Variants in AGAP1 observed in about 807,000 individuals in gnomAD.
The protein encoded by AGAP1 is ArfGAP with GTPase domain, ankyrin repeat and PH domain 1, also known as arf-GAP with GTPase, ANK repeat and PH domain-containing protein 1.
Under a neutral mutation model 105.3 loss-of-function variants are expected in AGAP1, and 29 were observed. That is an observed-to-expected ratio of 0.28 (90% CI 0.21 to 0.38). The LOEUF (loss-of-function observed/expected upper bound fraction) is 0.38, where lower values mean the gene tolerates loss of function less well. AGAP1 is among the 10% of genes least tolerant of loss of function. The pLI is 1.00. For synonymous variants in AGAP1, 509 were observed against 485.9 expected (o/e 1.05, Z -0.63); for missense variants, 998 against 1,165.1 (o/e 0.86, Z 2.09).
At chr2:236,039,005 ATTAT>A (rs2057466922) in intron 14 of AGAP1, among the ~76,000 whole-genome samples, 1 of 152,216 alleles carries the variant, frequency 6.6e-6, no homozygotes, top group South Asian at 2.1e-4. Flanking sequence ...CAAGTAATAT[ATTAT>A]TTCACATCAA....
chr2:235,969,760 C>T (rs574137725), intron 13 of AGAP1, among the ~76,000 whole-genome samples: 1 of 152,246 alleles, frequency 6.6e-6, no homozygotes, highest in South Asian at 2.1e-4. Context: ...AGGCAGGGAG[C>T]ATCATTTCTT....
intron 12 of AGAP1, among the ~76,000 whole-genome samples, chr2:235,938,395 C>T (rs1189045435): frequency 3.9e-5 from 6 of 152,226 alleles, no homozygotes; most frequent in Non-Finnish European, 8.8e-5. Flanking sequence ...GCTGGGTGCG[C>T]AGCGTGTCCC....
chr2:235,991,655 G>T (rs541191930), intron 13 of AGAP1, among the ~76,000 whole-genome samples: 1 of 152,202 alleles, frequency 6.6e-6, no homozygotes, highest in Non-Finnish European at 1.5e-5. Context: ...AGACATGAGC[G>T]TTTAATACTG....
chr2:236,014,698 C>A lies in AGAP1; in HGVS notation c.1646-21863C>A. The A allele has an allele frequency of 2.8e-6, 1 of 361,124 alleles. No individual in the cohort carries two copies. The allele number at this position is 361,124 out of a possible 1,614,324, so 22.4% of individuals were successfully genotyped here. Reference sequence around the variant, plus strand: ...CTTCGCGCAGACAGCTCGGAGGCAACGTCACGTGCTACTTTGACCTTTTTT... The same window carrying A: ...CTTCGCGCAGACAGCTCGGAGGCAAAGTCACGTGCTACTTTGACCTTTTTT... On this transcript the variant is annotated intron_variant, in intron 13 of 17. Coordinates refer to ENST00000304032, the MANE Select transcript of AGAP1 (RefSeq NM_001037131.3). This position sits in a 1 kb window ranked among gnomAD's most constrained non-coding sequence, Gnocchi z 6.3.
intron 1 of AGAP1, among the ~76,000 whole-genome samples, chr2:235,544,012 C>T (rs1469835437): frequency 1.3e-5 from 2 of 152,194 alleles, no homozygotes; most frequent in Admixed American, 1.3e-4. Context: ...TCTGGCCGTG[C>T]CCCATTCCTC....
rs1365642846 is a variant in AGAP1, at chr2:235,983,987, CA to C, written c.1645+15366del. On this transcript the variant is annotated intron_variant, in intron 13 of 17. Transcript: ENST00000304032. The surrounding 1 kb of genome is among the most constrained non-coding windows in gnomAD (Gnocchi z 4.5). The stretch of plus-strand genomic sequence containing the variant: ...ATATTTTCACATTCACAGTGCTGGA[CA>C]ACCATGACCGCCATTCCCAAAACAT... Among the ~76,000 whole-genome samples, 1 of 152,214 alleles carries C rather than the reference CA, an allele frequency of 6.6e-6. No individual in the cohort carries two copies. Among genetic ancestry groups the C allele is most frequent in the Non-Finnish European group, 1.5e-5 (1 of 68,040 alleles).
chr2:235,870,067 G>A (rs1403444357), intron 9 of AGAP1, among the ~76,000 whole-genome samples: 1 of 152,170 alleles, frequency 6.6e-6, no homozygotes, highest in East Asian at 1.9e-4. Flanking sequence ...GGATGAGGGG[G>A]CTGGTTTTTG....
intron 1 of AGAP1, among the ~76,000 whole-genome samples, chr2:235,678,433 A>C (rs1948875356): frequency 6.6e-6 from 1 of 152,158 alleles, no homozygotes; most frequent in Non-Finnish European, 1.5e-5. Context: ...TGGGGCTCAG[A>C]ATTAGGAAGT....
At chr2:236,118,710 C>T (rs1393187614) in intron 16 of AGAP1, among the ~76,000 whole-genome samples, 18 of 152,090 alleles carry the variant, frequency 1.2e-4, no homozygotes, top group African/African-American at 4.3e-4. Flanking sequence ...TCATCCTCAT[C>T]AAAAAGGCAG....
rs149683180 is a variant in AGAP1, at chr2:235,633,006, C to T, written c.164-76173C>T. Among the ~76,000 whole-genome samples, 1,954 of 151,552 alleles carry T rather than the reference C, an allele frequency of 0.013. 17 individuals are homozygous for T. Among genetic ancestry groups the T allele is most frequent in the South Asian group, 0.021 (101 of 4,770 alleles). ...TCGGCTTCCTTCCAAACCAGAAGCCCGTGGTGCAGCCTCTGAACCCCCGAC... is the reference window on the plus strand; with the variant it reads ...TCGGCTTCCTTCCAAACCAGAAGCCTGTGGTGCAGCCTCTGAACCCCCGAC... On this transcript the variant is annotated intron_variant, in intron 1 of 17. Coordinates refer to ENST00000304032, the MANE Select transcript of AGAP1 (RefSeq NM_001037131.3). The surrounding 1 kb of genome is among the most constrained non-coding windows in gnomAD (Gnocchi z 4.8).
rs1476808053 is a variant in AGAP1 at position 235,951,022 on chromosome 2, G to A, written c.1484-17440G>A. Among the ~76,000 whole-genome samples the A allele has an allele frequency of 1.3e-5, 2 of 150,038 alleles. No individual in the cohort carries two copies. Among genetic ancestry groups the A allele is most frequent in the African/African-American group, 2.4e-5 (1 of 41,020 alleles). On this transcript the variant is annotated intron_variant, in intron 12 of 17. Transcript: ENST00000304032. The surrounding 1 kb of genome is among the most constrained non-coding windows in gnomAD (Gnocchi z 4.2). ...TTTTTACAAAAAGAATATTCTAATA[G>A]TATCTAATAGTAATGGTGAATTACT...
At chr2:236,022,559 G>A (rs2056919461) in intron 13 of AGAP1, among the ~76,000 whole-genome samples, 1 of 152,188 alleles carries the variant, frequency 6.6e-6, no homozygotes, top group Non-Finnish European at 1.5e-5. Context: ...TTTGGACAGA[G>A]AGTCTCACTC....
At chr2:235,852,855 G>T in intron 9 of AGAP1, 1 of 1,449,110 alleles carries the variant, frequency 6.9e-7, no homozygotes, top group Non-Finnish European at 9.1e-7. Flanking sequence ...ATGAATTAGC[G>T]GTGGGAGTTA....
At chr2:236,088,305 A>G (rs2058980259) in intron 16 of AGAP1, among the ~76,000 whole-genome samples, 3 of 152,244 alleles carry the variant, frequency 2.0e-5, no homozygotes, top group South Asian at 4.1e-4. Flanking sequence ...AAAGGGTTTA[A>G]TGCACACTGA....
intron 3 of AGAP1, among the ~76,000 whole-genome samples, chr2:235,731,464 G>A (rs1421444102): frequency 3.3e-5 from 5 of 152,216 alleles, no homozygotes; most frequent in African/African-American, 1.2e-4. Context: ...TAAGGGAAAA[G>A]ACGTATCCTG....
rs547763206 is a variant in AGAP1 at position 235,967,583 on chromosome 2, G to A, written c.1484-879G>A. ...CAAAAAATACCAGCTGAATGAGTGC[G>A]GTGTGCTGTACAGAACTCTGACTTT... is the stretch of plus-strand genomic sequence containing the variant. On this transcript the variant is annotated intron_variant, in intron 12 of 17. Transcript: ENST00000304032. The surrounding 1 kb of genome is among the most constrained non-coding windows in gnomAD (Gnocchi z 4.7). Among the ~76,000 whole-genome samples the A allele has an allele frequency of 1.1e-3, 172 of 152,310 alleles. 1 individual carries two copies. The highest frequency in any genetic ancestry group is 6.8e-3 in the Middle Eastern group (2 of 294).
rs2051278909 is a variant in AGAP1, at chr2:235,905,831, G to A, written c.1156-2907G>A. On this transcript the variant is annotated intron_variant, in intron 10 of 17. Transcript: ENST00000304032. The surrounding 1 kb of genome is among the most constrained non-coding windows in gnomAD (Gnocchi z 4.2). ...CTTTTCATTTGTCACCCTCAACACA[G>A]CGCAGTCCTGAGAATTCCTGTGCCG... Among the ~76,000 whole-genome samples, 1 of 152,186 alleles carries A rather than the reference G, an allele frequency of 6.6e-6. No individual in the cohort carries two copies. Among genetic ancestry groups the A allele is most frequent in the African/African-American group, 2.4e-5 (1 of 41,462 alleles).
At position 236,060,904 on chromosome 2, in the gene AGAP1, CTT is replaced by C. The variant is rs1244909339; in HGVS notation, c.2114+11626_2114+11627del. ...TAGTGAGACCCCACCTCTACAAAAA[CTT>C]TTAAAAATTAGCTGGGCACAGTGGG... On this transcript the variant is annotated intron_variant, in intron 16 of 17. Coordinates refer to ENST00000304032, the MANE Select transcript of AGAP1 (RefSeq NM_001037131.3). Among the ~76,000 whole-genome samples the C allele has an allele frequency of 2.0e-5, 3 of 151,684 alleles. No individual in the cohort carries two copies. In the South Asian group the frequency reaches 6.2e-4, roughly 32 times the overall value.
rs1483794616 is a variant in AGAP1 at position 235,690,371 on chromosome 2, G to T, written c.164-18808G>T. Among the ~76,000 whole-genome samples the T allele has an allele frequency of 6.6e-6, 1 of 152,134 alleles. No homozygotes were observed. The highest frequency in any genetic ancestry group is 2.4e-5 in the African/African-American group (1 of 41,430). ...GCCCTGGGGGCAGGTGCAGGAGGGAGCCTGGCTCTTCAGGTTAAATTGTGT... is the reference window on the plus strand; with the variant it reads ...GCCCTGGGGGCAGGTGCAGGAGGGATCCTGGCTCTTCAGGTTAAATTGTGT... On this transcript the variant is annotated intron_variant, in intron 1 of 17. Transcript: ENST00000304032. This position sits in a 1 kb window ranked among gnomAD's most constrained non-coding sequence, Gnocchi z 4.1.
Sources: gnomAD v4.1 joint callset for allele counts (sites outside exome capture counted in the v4.1 genomes callset) on GRCh38, gnomAD v4.1.1 for gene constraint, Gnocchi (gnomAD v3.1) non-coding constraint, MANE v1.5 for transcripts, NCBI Gene and HGNC (gene_info 2026-07-23, HGNC 2026-07-21) for gene names.